Variants in KIF24 observed in about 807,000 individuals in gnomAD.
KIF24 encodes the protein kinesin-like protein KIF24.
KIF24 carries 81 observed loss-of-function variants against 118.9 expected under a neutral mutation model. That is an observed-to-expected ratio of 0.68 (90% confidence interval 0.57 to 0.82). KIF24 has a LOEUF of 0.82. KIF24 is among the 40% of genes least tolerant of loss of function. KIF24 has a pLI of 0.00. For synonymous variants in KIF24, 599 were observed against 610.0 expected, an observed-to-expected ratio of 0.98 and a Z score of 0.27; for missense variants, 1,560 against 1,661.6, an observed-to-expected ratio of 0.94 and a Z score of 1.06.
At chr9:34,292,710 G>A (rs1451103931) in intron 4 of KIF24, among the ~76,000 whole-genome samples, 1 of 152,224 alleles carries the variant, frequency 6.6e-6, no homozygotes, top group Non-Finnish European at 1.5e-5. Flanking sequence ...GCTTGGAGCA[G>A]AGACCAGCTA....
chr9:34,304,538 G>A (rs750571101), intron 3 of KIF24, among the ~76,000 whole-genome samples: 2 of 152,142 alleles, frequency 1.3e-5, no homozygotes, highest in Non-Finnish European at 2.9e-5. Flanking sequence ...GGGCTATTAC[G>A]ATGGCTATAA....
chr9:34,265,893 C>T (rs139382355), intron 8 of KIF24, among the ~76,000 whole-genome samples: 42 of 151,714 alleles, frequency 2.8e-4, no homozygotes, highest in African/African-American at 9.9e-4. Flanking sequence ...TTTCTTCAGA[C>T]GAGACAGTTT....
Position 34,282,974 on chromosome 9 carries a change from C to T in KIF24, c.1215+3643G>A, listed in dbSNP as rs570215464. Among the ~76,000 whole-genome samples the T allele has an allele frequency of 6.9e-5, 10 of 144,738 alleles. No homozygotes were observed. In the South Asian group the frequency reaches 1.9e-3, roughly 28 times the overall value. 95.0% of individuals were successfully genotyped at this position (144,738 alleles called of 152,430 possible). A position where few individuals can be genotyped will look rare whatever the true frequency, so the allele number is the denominator to read the frequency against. The stretch of plus-strand genomic sequence containing the variant: ...GGTTGAGGCAGGAGAATCACATGAA[C>T]CTGGGAAGCAGAGGTTGCAGTGAAC... On this transcript the variant is annotated intron_variant, in intron 6 of 12. Transcript: ENST00000402558.
chr9:34,325,416 G>A (rs909112684), intron 1 of KIF24, among the ~76,000 whole-genome samples: 1 of 150,984 alleles, frequency 6.6e-6, no homozygotes. Context: ...CCTGGGGCCA[G>A]GCACGGTGGC....
At chr9:34,306,003 T>C (rs1451320621) in intron 3 of KIF24, among the ~76,000 whole-genome samples, 2 of 152,200 alleles carry the variant, frequency 1.3e-5, no homozygotes, top group Non-Finnish European at 2.9e-5. Context: ...AGTGAATATA[T>C]GATGTAGCTC....
At chr9:34,286,533 C>T in intron 6 of KIF24, 84 bp downstream of exon 6, 1 of 931,096 alleles carries the variant, frequency 1.1e-6, no homozygotes, top group Non-Finnish European at 1.8e-6. Flanking sequence ...TATAAGTCCA[C>T]AGTACTTGCT....
intron 1 of KIF24, among the ~76,000 whole-genome samples, chr9:34,326,243 T>C (rs375240535): frequency 1.3e-5 from 2 of 152,064 alleles, no homozygotes; most frequent in African/African-American, 4.8e-5. Flanking sequence ...TCCCAGCTAC[T>C]TGGGGGGCTG....
intron 1 of KIF24, among the ~76,000 whole-genome samples, chr9:34,326,748 G>T (rs1563968503): frequency 6.6e-6 from 1 of 152,124 alleles, no homozygotes; most frequent in Admixed American, 6.5e-5. Flanking sequence ...ATTATGTAGG[G>T]TGTACTGGGC....
intron 2 of KIF24, among the ~76,000 whole-genome samples, chr9:34,307,289 T>A (rs1404336470): frequency 1.3e-5 from 2 of 152,064 alleles, no homozygotes; most frequent in African/African-American, 4.8e-5. Context: ...GGTCTTCAAC[T>A]TATGGCCTCA....
At chr9:34,272,033 C>G in intron 6 of KIF24, 103 bp from the exon 7 acceptor site, 1 of 992,192 alleles carries the variant, frequency 1.0e-6, no homozygotes, top group South Asian at 2.1e-5. Context: ...ATAATTGTGT[C>G]AGTGCACTGC....
In KIF24 at chr9:34,318,529, G is replaced by T. The variant is rs1378484899; in HGVS notation, c.-25-7158C>A. 3.0e-6 allele frequency: 3 copies of T among 993,732 alleles called. No individual in the cohort carries two copies. Among genetic ancestry groups the T allele is most frequent in the African/African-American group, 3.1e-5 (2 of 64,040 alleles). 61.6% of individuals were successfully genotyped at this position (993,732 alleles called of 1,614,324 possible). On this transcript the variant is annotated intron_variant, in intron 1 of 12. Coordinates refer to ENST00000402558, the MANE Select transcript of KIF24 (RefSeq NM_194313.4). The surrounding 1 kb of genome is among the most constrained non-coding windows in gnomAD (Gnocchi z 4.9). ...AGAAGCTGAGCCCCAAGGCAGCCACGCTGGCCGAACACAGCGCCGGCCTGG... is the reference window on the plus strand; with the variant it reads ...AGAAGCTGAGCCCCAAGGCAGCCACTCTGGCCGAACACAGCGCCGGCCTGG...
intron 6 of KIF24, among the ~76,000 whole-genome samples, chr9:34,275,846 A>G (rs867623833): frequency 2.0e-5 from 3 of 152,114 alleles, no homozygotes; most frequent in African/African-American, 7.2e-5. Flanking sequence ...CTAAAAAAAA[A>G]AATTATTTGA....
At chr9:34,303,577 T>A (rs1299146460) in intron 3 of KIF24, among the ~76,000 whole-genome samples, 1 of 152,158 alleles carries the variant, frequency 6.6e-6, no homozygotes, top group African/African-American at 2.4e-5. Context: ...AGGCCAGGCG[T>A]GGTGGCTCAT....
At chr9:34,266,201 T>C (rs1835281943) in intron 8 of KIF24, among the ~76,000 whole-genome samples, 1 of 126,424 alleles carries the variant, frequency 7.9e-6, no homozygotes, top group Non-Finnish European at 1.6e-5. Context: ...CCTGCAATCT[T>C]AAACTAATTT....
intron 1 of KIF24, among the ~76,000 whole-genome samples, chr9:34,327,082 C>T (rs1212933555): frequency 1.3e-5 from 2 of 152,042 alleles, no homozygotes; most frequent in Non-Finnish European, 2.9e-5. Context: ...TAGTTTATAC[C>T]TACAGAAAAC....
intron 3 of KIF24, among the ~76,000 whole-genome samples, chr9:34,302,960 G>C (rs1836780709): frequency 6.6e-6 from 1 of 151,318 alleles, no homozygotes; most frequent in Non-Finnish European, 1.5e-5. Context: ...TATTTTTAGT[G>C]AGATGGAGTT....
intron 8 of KIF24, among the ~76,000 whole-genome samples, chr9:34,263,793 T>C (rs1412547516): frequency 6.7e-6 from 1 of 148,502 alleles, no homozygotes; most frequent in Non-Finnish European, 1.5e-5. Flanking sequence ...CCCAGGCTGG[T>C]CTCAAACTCC....
At chr9:34,332,815 TG>T (rs1837982594), upstream of KIF24, among the ~76,000 whole-genome samples, 1 of 152,216 alleles carries the variant, frequency 6.6e-6, no homozygotes, top group African/African-American at 2.4e-5. Context: ...TCATGGTAGT[TG>T]GGGCTTTTCT....
At chr9:34,262,335 C>CTGCCCCTTCCTTATAT (rs1196556575) in intron 9 of KIF24, among the ~76,000 whole-genome samples, 2 of 152,090 alleles carry the variant, frequency 1.3e-5, no homozygotes, top group East Asian at 3.9e-4. Flanking sequence ...CTGCCTGAGT[C>CTGCCCCTTCCTTATAT]TGCCCCTTCC....
Sources: allele counts gnomAD v4.1 joint callset (sites outside exome capture counted in the v4.1 genomes callset), GRCh38; gene constraint gnomAD v4.1.1; non-coding constraint Gnocchi (gnomAD v3.1); transcripts MANE v1.5; gene names NCBI Gene and HGNC (gene_info 2026-07-23, HGNC 2026-07-21).